PPM1D: variants seen among roughly 807,000 people sequenced by gnomAD.
PPM1D encodes the protein protein phosphatase 1D.
PPM1D carries 52 observed loss-of-function variants against 58.3 expected under a neutral mutation model. That is an observed-to-expected ratio of 0.89 (90% CI 0.71 to 1.12). The LOEUF (loss-of-function observed/expected upper bound fraction) is 1.12, where lower values mean the gene tolerates loss of function less well. PPM1D is among the 50% of genes most tolerant of loss of function. The pLI is 0.00. For missense variants in PPM1D, 564 were observed against 777.2 expected, an observed-to-expected ratio of 0.73 and a Z score of 3.26; for synonymous variants, 278 against 285.1, an observed-to-expected ratio of 0.98 and a Z score of 0.25.
At chr17:60,638,060 T>C (rs1243295128) in intron 3 of PPM1D, among the ~76,000 whole-genome samples, 1 of 152,206 alleles carries the variant, frequency 6.6e-6, no homozygotes, top group Non-Finnish European at 1.5e-5. Flanking sequence ...ATTGGGGTTA[T>C]TGAAGAAAGA....
At chr17:60,649,803 A>G (rs2031311413) in intron 4 of PPM1D, among the ~76,000 whole-genome samples, 1 of 152,218 alleles carries the variant, frequency 6.6e-6, no homozygotes, top group Non-Finnish European at 1.5e-5. Flanking sequence ...ATATTATTAT[A>G]AATAGAATAT....
At chr17:60,644,545 G>A (rs1429388968) in intron 3 of PPM1D, among the ~76,000 whole-genome samples, 1 of 152,204 alleles carries the variant, frequency 6.6e-6, no homozygotes, top group Non-Finnish European at 1.5e-5. Context: ...ATATGAAATT[G>A]CCTGAGTGTG....
In PPM1D at chr17:60,600,299, C is replaced by G; in HGVS notation, c.-116C>G. On this transcript the variant is annotated 5_prime_UTR_variant, in exon 1 of 6. Coordinates refer to ENST00000305921, the MANE Select transcript of PPM1D (RefSeq NM_003620.4). ...CCCCCCTTCTCCGGGTCCGCCCCCT[C>G]CCCCTTCTCGGCGTCGTCGAAGATA... The G allele has an allele frequency of 6.9e-7, 1 of 1,456,934 alleles. No individual in the cohort carries two copies. The highest frequency in any genetic ancestry group is 1.4e-5 in the South Asian group (1 of 73,490). The allele number at this position is 1,456,934 out of a possible 1,614,324, so 90.3% of individuals were successfully genotyped here. A position where few individuals can be genotyped will look rare whatever the true frequency, so the allele number is the denominator to read the frequency against.
chr17:60,623,891 A>T, intron 2 of PPM1D, 142 bp downstream of exon 2: 1 of 752,098 alleles, frequency 1.3e-6, no homozygotes, highest in South Asian at 2.0e-5. Flanking sequence ...CTGATGTAAT[A>T]CTCATGTATG....
intron 1 of PPM1D, among the ~76,000 whole-genome samples, chr17:60,607,581 G>A (rs770183407): frequency 3.3e-5 from 5 of 152,208 alleles, no homozygotes; most frequent in Non-Finnish European, 5.9e-5. Context: ...GATTACAGGC[G>A]TGAGCCACCG....
chr17:60,604,619 A>G (rs1215915448), intron 1 of PPM1D: 1 of 152,192 alleles, frequency 6.6e-6, no homozygotes, highest in Non-Finnish European at 1.5e-5. Context: ...TTAGCTTGGC[A>G]TGGTAGCATG....
At chr17:60,656,452 C>CAA (rs375982628) in intron 4 of PPM1D, 147 bp from the exon 5 acceptor site, 1,294 of 808,388 alleles carry the variant, frequency 1.6e-3, no homozygotes, top group Middle Eastern at 2.1e-3. Flanking sequence ...GACTCTGTCT[C>CAA]AAAAAAAAAA....
At chr17:60,643,965 A>T (rs548976438) in intron 3 of PPM1D, among the ~76,000 whole-genome samples, 1 of 128,688 alleles carries the variant, frequency 7.8e-6, no homozygotes, top group Admixed American at 1.1e-4. Context: ...GCTCACTGCT[A>T]TGTCCGCTTT....
intron 2 of PPM1D, among the ~76,000 whole-genome samples, chr17:60,631,158 C>G (rs1209920342): frequency 6.6e-6 from 1 of 150,498 alleles, no homozygotes; most frequent in Non-Finnish European, 1.5e-5. Flanking sequence ...GCCTGGCAAA[C>G]ATAGTGAGAT....
Position 60,600,723 on chromosome 17 carries a change from G to T in PPM1D, c.309G>T (p.Val103=). Residue 103 remains valine, a synonymous_variant, in exon 1 of 6, where the codon GTG becomes GTT. Coordinates refer to ENST00000305921, the MANE Select transcript of PPM1D (RefSeq NM_003620.4). ...GTTCCTCCGTGGCCTTTTTCGCCGT[G>T]TGCGACGGGCACGGCGGGCGGGAGG... ...RRRSSVAFFA[V]CDGHGGREAA... 1 of 1,609,328 alleles carries T rather than the reference G, an allele frequency of 6.2e-7. No homozygotes were observed. Among genetic ancestry groups the T allele is most frequent in the Non-Finnish European group, 8.5e-7 (1 of 1,178,622 alleles).
chr17:60,613,368 A>T (rs2030500435), intron 1 of PPM1D, among the ~76,000 whole-genome samples: 1 of 152,260 alleles, frequency 6.6e-6, no homozygotes, highest in Non-Finnish European at 1.5e-5. Flanking sequence ...ATTCTGTAAG[A>T]ACTCTTAAGT....
Position 60,600,816 on chromosome 17 carries a change from G to C in PPM1D, c.402G>C (p.Glu134Asp). 1 of 1,613,076 alleles carries C rather than the reference G, an allele frequency of 6.2e-7. No individual in the cohort carries two copies. Among genetic ancestry groups the C allele is most frequent in the Non-Finnish European group, 8.5e-7 (1 of 1,180,010 alleles). The stretch of plus-strand genomic sequence containing the variant: ...AGCAGAAGGGTTTCACCTCGTCCGA[G>C]CCGGCTAAGGTTTGCGCTGCCATCC... ...IKKQKGFTSS[E>D]PAKVCAAIRK... Residue 134 changes from glutamate to aspartate, a missense_variant, in exon 1 of 6, where the codon GAG becomes GAC. Glu to Asp is a conservative substitution (Grantham distance 45). Around this residue, in one of 7 missense-constraint regions of PPM1D, gnomAD observed 23 missense variants for 28.9 expected, o/e 0.80. Coordinates refer to ENST00000305921, the MANE Select transcript of PPM1D (RefSeq NM_003620.4).
At chr17:60,649,301 C>T (rs985013163) in intron 4 of PPM1D, among the ~76,000 whole-genome samples, 8 of 152,106 alleles carry the variant, frequency 5.3e-5, no homozygotes, top group Non-Finnish European at 8.8e-5. Context: ...ATGGGTTATC[C>T]TTAGAAAAGA....
Position 60,656,730 on chromosome 17 carries a change from A to C in PPM1D, c.1149A>C (p.Gly383=), listed in dbSNP as rs111239559. Residue 383 remains glycine (G), a synonymous_variant, in exon 5 of 6, where the codon GGA becomes GGC. Transcript: ENST00000305921. ...TCTCTCCAGAAGTGGACAATCAGGG[A>C]AACTTTACCAATGAAGATGAGTTAT... ...ICISPEVDNQ[G]NFTNEDELYL... is the part of the protein sequence containing the mutation. The C allele has an allele frequency of 1.6e-3, 2,569 of 1,614,182 alleles. 31 individuals carry two copies. The African/African-American group carries it at 0.027, about 17-fold the overall frequency.
chr17:60,633,052 G>A (rs186617295), intron 2 of PPM1D, among the ~76,000 whole-genome samples: 1 of 151,632 alleles, frequency 6.6e-6, no homozygotes, highest in Non-Finnish European at 1.5e-5. Flanking sequence ...TTGGGAGGCC[G>A]AGGTGGGCAG....
chr17:60,656,894 G>A (rs1474219238), intron 5 of PPM1D, 53 bp downstream of exon 5: 1 of 1,610,906 alleles, frequency 6.2e-7, no homozygotes. Flanking sequence ...CAGTTCTTTG[G>A]TTAGCGTCAC....
At chr17:60,602,271 AGTC>A (rs1448115717) in intron 1 of PPM1D, among the ~76,000 whole-genome samples, 1 of 152,196 alleles carries the variant, frequency 6.6e-6, no homozygotes, top group African/African-American at 2.4e-5. Context: ...GGCAACGAGA[AGTC>A]GACAGCAGCA....
At chr17:60,621,885 CA>C (rs774187907) in intron 1 of PPM1D, among the ~76,000 whole-genome samples, 1,349 of 122,028 alleles carry the variant, frequency 0.011, 14 homozygotes, top group African/African-American at 0.03. Context: ...AGAGTTATCT[CA>C]AAAAAAAAAA....
At chr17:60,658,090 G>A (rs1410821538) in intron 5 of PPM1D, among the ~76,000 whole-genome samples, 1 of 152,138 alleles carries the variant, frequency 6.6e-6, no homozygotes, top group Non-Finnish European at 1.5e-5. Context: ...GGTAATGCAG[G>A]TTGAAACCCT....
Sources: gnomAD v4.1 joint callset for allele counts (sites outside exome capture counted in the v4.1 genomes callset) on GRCh38, gnomAD v4.1.1 for gene constraint, gnomAD v4.1.1 regional missense constraint, MANE v1.5 for transcripts, NCBI Gene and HGNC (gene_info 2026-07-23, HGNC 2026-07-21) for gene names.